BUB1B: variants seen among roughly 807,000 people sequenced by gnomAD.
BUB1B encodes the protein BUB1 mitotic checkpoint serine/threonine kinase B.
Under a neutral mutation model 137.7 loss-of-function variants are expected in BUB1B, and 86 were observed. The observed-to-expected ratio is 0.62, with a 90% CI of 0.52 to 0.75. The LOEUF is 0.75. BUB1B is among the 30% of genes least tolerant of loss of function. BUB1B has a pLI of 0.00. For synonymous variants in BUB1B, 420 were observed against 417.9 expected, an observed-to-expected ratio of 1.00 and a Z score of -0.06; for missense variants, 1,130 against 1,236.9, an observed-to-expected ratio of 0.91 and a Z score of 1.30.
At position 40,216,274 on chromosome 15, in the gene BUB1B, C is replaced by T. The variant is rs554919901; in HGVS notation, c.2679-1222C>T. Reference sequence around the variant, plus strand: ...GCAATATAATGAGACCTCATCTCTACAAAAAATTAAGAAATTAGCCAGGCA... The same window carrying T: ...GCAATATAATGAGACCTCATCTCTATAAAAAATTAAGAAATTAGCCAGGCA... On this transcript the variant is annotated intron_variant, in intron 20 of 22. Transcript: ENST00000287598. 5.3e-5 allele frequency among the ~76,000 whole-genome samples: 8 copies of T among 151,930 alleles called. No homozygotes were observed. In the South Asian group the frequency reaches 1.7e-3, roughly 32 times the overall value.
chr15:40,161,330 G>T, intron 1 of BUB1B, 75 bp downstream of exon 1: 1 of 1,528,374 alleles, frequency 6.5e-7, no homozygotes, highest in East Asian at 2.4e-5. Flanking sequence ...GGCTCCGCTC[G>T]GAGCAGTCGA....
chr15:40,186,666 C>T (rs371768948), intron 8 of BUB1B, among the ~76,000 whole-genome samples: 10 of 150,700 alleles, frequency 6.6e-5, no homozygotes, highest in South Asian at 4.2e-4. Flanking sequence ...AGGATGGTCT[C>T]GATCTCCTGA....
At chr15:40,166,881 A>G (rs1439064764) in intron 2 of BUB1B, among the ~76,000 whole-genome samples, 1 of 152,088 alleles carries the variant, frequency 6.6e-6, no homozygotes. Context: ...CTGGTGACTA[A>G]TAATGGTGAA....
chr15:40,170,718 T>C (rs764066960), intron 4 of BUB1B, 37 bp downstream of exon 4: 1 of 1,602,704 alleles, frequency 6.2e-7, no homozygotes, highest in Admixed American at 1.7e-5. Flanking sequence ...GTTTTAAATA[T>C]TAAACTAAGA....
intron 20 of BUB1B, among the ~76,000 whole-genome samples, chr15:40,215,351 A>C (rs1369117838): frequency 1.3e-5 from 2 of 152,068 alleles, no homozygotes; most frequent in Non-Finnish European, 2.9e-5. Flanking sequence ...GCATGCCTGT[A>C]ATCCCAGCTA....
intron 9 of BUB1B, among the ~76,000 whole-genome samples, chr15:40,199,058 A>G (rs1285923748): frequency 6.6e-6 from 1 of 152,212 alleles, no homozygotes; most frequent in African/African-American, 2.4e-5. Flanking sequence ...CTTTTCCTGC[A>G]TTGGGGCCTT....
intron 13 of BUB1B, 40 bp from the exon 14 acceptor site, chr15:40,202,549 T>C: frequency 6.2e-7 from 1 of 1,603,920 alleles, no homozygotes; most frequent in African/African-American, 1.3e-5. Context: ...GGGGTTACTG[T>C]TATGAAAAAA....
chr15:40,207,397 A>G (rs921938519), intron 15 of BUB1B, among the ~76,000 whole-genome samples: 1 of 152,100 alleles, frequency 6.6e-6, no homozygotes, highest in Non-Finnish European at 1.5e-5. Context: ...TCAGGCCAGG[A>G]GTTGAAGACC....
At chr15:40,162,923 A>G (rs913131239) in intron 1 of BUB1B, among the ~76,000 whole-genome samples, 10 of 152,206 alleles carry the variant, frequency 6.6e-5, no homozygotes, top group South Asian at 2.1e-4. Context: ...AGTTCACACA[A>G]TATAGAGCAG....
chr15:40,178,446 G>A (rs2037246496), intron 5 of BUB1B, among the ~76,000 whole-genome samples: 1 of 151,972 alleles, frequency 6.6e-6, no homozygotes, highest in South Asian at 2.1e-4. Flanking sequence ...ATGGTTTCAA[G>A]TCTTAAATTT....
intron 15 of BUB1B, among the ~76,000 whole-genome samples, chr15:40,206,773 G>A (rs768162529): frequency 6.6e-4 from 100 of 152,104 alleles, no homozygotes; most frequent in Non-Finnish European, 1.3e-3. Flanking sequence ...TTAATATTGA[G>A]TTTAAAATAG....
At chr15:40,174,365 A>G (rs1386830165) in intron 4 of BUB1B, among the ~76,000 whole-genome samples, 1 of 152,252 alleles carries the variant, frequency 6.6e-6, no homozygotes, top group African/African-American at 2.4e-5. Flanking sequence ...TAAAATACTA[A>G]TTATTTTTGT....
chr15:40,184,291 A>AT (rs973276778), intron 6 of BUB1B, among the ~76,000 whole-genome samples: 3 of 151,548 alleles, frequency 2.0e-5, no homozygotes, highest in South Asian at 2.1e-4. Context: ...ATCAGCAATA[A>AT]TTTTTTTTAA....
intron 1 of BUB1B, among the ~76,000 whole-genome samples, chr15:40,163,909 A>G (rs368036243): frequency 1.7e-4 from 26 of 152,218 alleles, no homozygotes; most frequent in African/African-American, 6.0e-4. Context: ...CTGAAGTCAC[A>G]TATAACTTTC....
At chr15:40,178,837 A>T (rs1039256687) in intron 5 of BUB1B, among the ~76,000 whole-genome samples, 1 of 152,104 alleles carries the variant, frequency 6.6e-6, no homozygotes, top group Admixed American at 6.5e-5. Context: ...ATATTAGTAC[A>T]GCTATTCCAG....
chr15:40,202,021 T>C (rs1036371254), intron 12 of BUB1B, among the ~76,000 whole-genome samples: 2 of 152,096 alleles, frequency 1.3e-5, no homozygotes, highest in Non-Finnish European at 2.9e-5. Flanking sequence ...ACATTTGATA[T>C]TATATATATA....
Position 40,172,235 on chromosome 15 carries a change from TAAAG to T in BUB1B, c.384+1555_384+1558del, listed in dbSNP as rs1421946708. Among the ~76,000 whole-genome samples, 5 of 151,570 alleles carry T rather than the reference TAAAG, an allele frequency of 3.3e-5. No individual in the cohort carries two copies. In the East Asian group the frequency reaches 9.7e-4, roughly 29 times the overall value. ...TAAATTTCTTACTAAAATAAAGTAATAAAGTAAGAAATAAATTTCTTACTAAAGT... is the reference window on the plus strand; with the variant it reads ...TAAATTTCTTACTAAAATAAAGTAATTAAGAAATAAATTTCTTACTAAAGT... On this transcript the variant is annotated intron_variant, in intron 4 of 22. Transcript: ENST00000287598.
At chr15:40,169,686 T>G (rs1281590695) in intron 2 of BUB1B, among the ~76,000 whole-genome samples, 1 of 146,952 alleles carries the variant, frequency 6.8e-6, no homozygotes, top group African/African-American at 2.5e-5. Flanking sequence ...CAATCTCTGC[T>G]CACTGCAGCC....
intron 8 of BUB1B, among the ~76,000 whole-genome samples, chr15:40,195,709 T>C (rs765385318): frequency 2.0e-5 from 3 of 152,234 alleles, no homozygotes; most frequent in Non-Finnish European, 4.4e-5. Context: ...GTTGTGGTTT[T>C]GATTTGCATT....
Sources: gnomAD v4.1 joint callset for allele counts (sites outside exome capture counted in the v4.1 genomes callset) on GRCh38, gnomAD v4.1.1 for gene constraint, MANE v1.5 for transcripts, NCBI Gene and HGNC (gene_info 2026-07-23, HGNC 2026-07-21) for gene names.